FGF14: variants seen among roughly 807,000 people sequenced by gnomAD.
FGF14 encodes fibroblast growth factor homologous factor 4.
FGF14 carries 5 observed loss-of-function variants against 25.5 expected under a neutral mutation model. The ratio of observed to expected loss-of-function variants is 0.20; its 90% CI spans 0.10 to 0.41. The LOEUF (loss-of-function observed/expected upper bound fraction) is 0.41, where lower values mean the gene tolerates loss of function less well. FGF14 is among the 10% of genes least tolerant of loss of function. FGF14 has a pLI of 1.00. For missense variants in FGF14, 222 were observed against 320.1 expected (o/e 0.69, Z 2.34); for synonymous variants, 138 against 118.3 (o/e 1.17, Z -1.08).
At chr13:102,351,543 T>C (rs1403113832) in intron 1 of FGF14, among the ~76,000 whole-genome samples, 1 of 152,220 alleles carries the variant, frequency 6.6e-6, no homozygotes, top group Non-Finnish European at 1.5e-5. Flanking sequence ...ATGTATTATC[T>C]GACAGTTGCT....
At chr13:102,033,492 TGCAC>T (rs1280484151) in intron 1 of FGF14, among the ~76,000 whole-genome samples, 4 of 143,154 alleles carry the variant, frequency 2.8e-5, no homozygotes, top group African/African-American at 6.1e-5. Flanking sequence ...CGCTTGCGTG[TGCAC>T]GCACACACAC....
intron 3 of FGF14, among the ~76,000 whole-genome samples, chr13:101,861,913 C>T (rs2044437767): frequency 6.6e-6 from 1 of 152,128 alleles, no homozygotes; most frequent in African/African-American, 2.4e-5. Context: ...GTGAAATCCT[C>T]TGGAAGTTAA....
At chr13:101,990,121 T>C (rs983165148) in intron 1 of FGF14, among the ~76,000 whole-genome samples, 1 of 152,110 alleles carries the variant, frequency 6.6e-6, no homozygotes, top group African/African-American at 2.4e-5. Flanking sequence ...AAACTCTAAT[T>C]GAATCTCTGT....
intron 1 of FGF14, among the ~76,000 whole-genome samples, chr13:101,930,115 C>G (rs111402325): frequency 1.9e-3 from 293 of 152,274 alleles, no homozygotes; most frequent in Non-Finnish European, 3.1e-3. Flanking sequence ...AATTCTTAAA[C>G]ATCAAATTTT....
chr13:102,046,129 CACTG>C (rs1358889995), intron 1 of FGF14: 1 of 154,302 alleles, frequency 6.5e-6, no homozygotes, highest in East Asian at 1.9e-4. Flanking sequence ...GGGCAGGAAA[CACTG>C]ACTCTCCAGT....
chr13:102,136,576 C>A (rs1376747957), intron 1 of FGF14, among the ~76,000 whole-genome samples: 9 of 151,786 alleles, frequency 5.9e-5, no homozygotes, highest in African/African-American at 2.2e-4. Context: ...CACAATGATC[C>A]TCTTGGAAGA....
intron 1 of FGF14, among the ~76,000 whole-genome samples, chr13:102,200,908 T>C (rs371913628): frequency 0.013 from 1,961 of 151,860 alleles, 12 homozygotes; most frequent in African/African-American, 0.019. Context: ...CGAGACCATC[T>C]TGGCTAACAT....
At chr13:101,820,607 A>C (rs1156845456) in intron 3 of FGF14, among the ~76,000 whole-genome samples, 1 of 91,572 alleles carries the variant, frequency 1.1e-5, no homozygotes, top group African/African-American at 3.0e-5. Flanking sequence ...ATTTATGTAG[A>C]TAGTATCTAT....
intron 1 of FGF14, among the ~76,000 whole-genome samples, chr13:102,289,809 G>T (rs1197901832): frequency 3.9e-5 from 6 of 152,042 alleles, no homozygotes; most frequent in Non-Finnish European, 8.8e-5. Context: ...ATGAATCACT[G>T]CTAAATAATT....
chr13:101,923,608 C>A (rs183762988), intron 1 of FGF14, among the ~76,000 whole-genome samples: 260 of 152,014 alleles, frequency 1.7e-3, no homozygotes, highest in African/African-American at 6.1e-3. Flanking sequence ...TATTATTGAC[C>A]TTTATTTTAG....
chr13:101,776,522 C>T (rs1210099645), intron 3 of FGF14, among the ~76,000 whole-genome samples: 1 of 152,064 alleles, frequency 6.6e-6, no homozygotes, highest in Non-Finnish European at 1.5e-5. Flanking sequence ...CAGATCTCAG[C>T]TGGCAAAAGG....
chr13:101,769,410 C>A (rs951624533), intron 3 of FGF14, among the ~76,000 whole-genome samples: 4 of 152,046 alleles, frequency 2.6e-5, no homozygotes, highest in African/African-American at 9.7e-5. Context: ...CTCATAACAA[C>A]TAAACATTGT....
intron 1 of FGF14, among the ~76,000 whole-genome samples, chr13:101,877,672 G>A (rs1258364104): frequency 6.6e-6 from 1 of 152,158 alleles, no homozygotes; most frequent in East Asian, 1.9e-4. Flanking sequence ...GTATTTTGAA[G>A]ATTAACTGCC....
At chr13:102,068,475 G>A (rs1287080225) in intron 1 of FGF14, among the ~76,000 whole-genome samples, 1 of 152,232 alleles carries the variant, frequency 6.6e-6, no homozygotes, top group East Asian at 1.9e-4. Flanking sequence ...GGTGTGGAGG[G>A]AGAGGCGCGA....
intron 3 of FGF14, among the ~76,000 whole-genome samples, chr13:101,776,889 CAT>C (rs1447787611): frequency 1.3e-5 from 2 of 152,194 alleles, no homozygotes; most frequent in African/African-American, 2.4e-5. Context: ...GTTTCCATTT[CAT>C]AGTCAATGCC....
At chr13:102,243,827 C>G (rs1365866158) in intron 1 of FGF14, among the ~76,000 whole-genome samples, 2 of 151,908 alleles carry the variant, frequency 1.3e-5, no homozygotes, top group Non-Finnish European at 1.5e-5. Flanking sequence ...AACATATATA[C>G]AGAAAACAGC....
At chr13:102,375,731 A>C (rs1254389109) in intron 1 of FGF14, among the ~76,000 whole-genome samples, 1 of 152,170 alleles carries the variant, frequency 6.6e-6, no homozygotes, top group African/African-American at 2.4e-5. Flanking sequence ...GTCTCAAGAG[A>C]ACCCAAACCC....
chr13:102,045,965 G>C (rs1328437831), intron 1 of FGF14: 1 of 154,266 alleles, frequency 6.5e-6, no homozygotes. Context: ...TAATTGCTGA[G>C]TTGTTATCAC....
chr13:101,726,542 T>C (rs1488953179), intron 4 of FGF14, 70 bp downstream of exon 4: 1 of 1,425,680 alleles, frequency 7.0e-7, no homozygotes, highest in East Asian at 2.3e-5. Flanking sequence ...AGAGCCATGG[T>C]AGACCTATCA....
Sources: gnomAD v4.1 joint callset for allele counts (sites outside exome capture counted in the v4.1 genomes callset) on GRCh38, gnomAD v4.1.1 for gene constraint, MANE v1.5 for transcripts, NCBI Gene and HGNC (gene_info 2026-07-23, HGNC 2026-07-21) for gene names.